Variants in RANBP2 observed in about 807,000 individuals in gnomAD.
RANBP2 encodes RAN binding protein 2.
RANBP2 carries 57 observed loss-of-function variants against 303.6 expected under a neutral mutation model. The ratio of observed to expected loss-of-function variants is 0.19; its 90% CI spans 0.15 to 0.23. RANBP2 has a LOEUF of 0.23. RANBP2 is among the 10% of genes least tolerant of loss of function. The probability of loss-of-function intolerance (pLI) is 1.00; values close to 1 mark genes in which losing one functional copy is unlikely to be tolerated. For missense variants in RANBP2, 3,138 were observed against 3,780.8 expected, an observed-to-expected ratio of 0.83 and a Z score of 4.46; for synonymous variants, 1,167 against 1,301.5, an observed-to-expected ratio of 0.90 and a Z score of 2.23.
the RANBP2 span, among the ~76,000 whole-genome samples, chr2:108,969,171 GGT>G: frequency 4.1e-4 from 62 of 152,126 alleles, no homozygotes; most frequent in African/African-American, 1.4e-3. Context: ...CTCTATGGCT[GGT>G]CTTGATCTCT....
chr2:109,182,602 A>G, the RANBP2 span, among the ~76,000 whole-genome samples: 2 of 152,242 alleles, frequency 1.3e-5, no homozygotes, highest in African/African-American at 4.8e-5. Flanking sequence ...GCAAGAATGA[A>G]TCGATGTTGC....
At chr2:108,995,500 G>A in the RANBP2 span, among the ~76,000 whole-genome samples, 1 of 152,286 alleles carries the variant, frequency 6.6e-6, no homozygotes, top group Non-Finnish European at 1.5e-5. Flanking sequence ...GTCAGCAAAA[G>A]AAAGCCAAAA....
chr2:109,513,248 C>T, the RANBP2 span, among the ~76,000 whole-genome samples: 1 of 152,162 alleles, frequency 6.6e-6, no homozygotes, highest in Non-Finnish European at 1.5e-5. Context: ...ACACACCACA[C>T]ACACCTCATG....
At chr2:109,475,829 G>A in the RANBP2 span, among the ~76,000 whole-genome samples, 12 of 152,192 alleles carry the variant, frequency 7.9e-5, no homozygotes, top group South Asian at 2.1e-4. Flanking sequence ...GCACTCTGGG[G>A]CCTGGCTGCC....
the RANBP2 span, among the ~76,000 whole-genome samples, chr2:109,633,922 C>A: frequency 2.6e-5 from 4 of 151,766 alleles, no homozygotes; most frequent in East Asian, 5.8e-4. Context: ...GAGTTCGAGA[C>A]TAGCCTGGCC....
At chr2:109,431,103 G>A in the RANBP2 span, among the ~76,000 whole-genome samples, 18 of 152,242 alleles carry the variant, frequency 1.2e-4, no homozygotes, top group East Asian at 9.7e-4. Flanking sequence ...TTGAGCCCTC[G>A]TGAGCTGCAT....
chr2:109,181,648 G>A, the RANBP2 span, among the ~76,000 whole-genome samples: 2 of 152,094 alleles, frequency 1.3e-5, no homozygotes, highest in South Asian at 2.1e-4. Flanking sequence ...GCCTGTTGCC[G>A]AACACACCAA....
chr2:109,705,178 G>GCGAT, the RANBP2 span, among the ~76,000 whole-genome samples: 2 of 152,026 alleles, frequency 1.3e-5, no homozygotes, highest in Admixed American at 1.3e-4. Flanking sequence ...GCTGAGGCGG[G>GCGAT]CGGATCCCCT....
the RANBP2 span, among the ~76,000 whole-genome samples, chr2:109,372,196 G>A: frequency 1.2e-4 from 18 of 152,228 alleles, no homozygotes; most frequent in African/African-American, 4.3e-4. Flanking sequence ...GGTGTTTTGA[G>A]GCTAATTCCA....
At chr2:109,142,391 C>CA in the RANBP2 span, among the ~76,000 whole-genome samples, 1 of 152,226 alleles carries the variant, frequency 6.6e-6, no homozygotes, top group African/African-American at 2.4e-5. Context: ...CCCAAAGCAC[C>CA]CTGTGGGGTT....
chr2:109,212,389 A>G, the RANBP2 span, among the ~76,000 whole-genome samples: 1 of 152,234 alleles, frequency 6.6e-6, no homozygotes, highest in Non-Finnish European at 1.5e-5. Context: ...GTGACTATAA[A>G]TCCCAACTTG....
the RANBP2 span, among the ~76,000 whole-genome samples, chr2:109,425,629 A>C: frequency 4.6e-5 from 7 of 152,324 alleles, no homozygotes; most frequent in East Asian, 1.2e-3. Context: ...CCACGCCTGC[A>C]TGATAGCACA....
chr2:108,901,191 G>T, the RANBP2 span, among the ~76,000 whole-genome samples: 1 of 152,064 alleles, frequency 6.6e-6, no homozygotes, highest in Non-Finnish European at 1.5e-5. Flanking sequence ...ATATATAACA[G>T]AAAAATCTTC....
chr2:109,297,707 T>C, the RANBP2 span, among the ~76,000 whole-genome samples: 2 of 144,556 alleles, frequency 1.4e-5, no homozygotes, highest in Non-Finnish European at 3.0e-5. Flanking sequence ...ATTCTGCCCA[T>C]GCCCCCCAAC....
the RANBP2 span, among the ~76,000 whole-genome samples, chr2:109,337,420 G>A: frequency 2.6e-5 from 4 of 152,186 alleles, no homozygotes; most frequent in Non-Finnish European, 4.4e-5. Context: ...TGTCCTTAGC[G>A]CCTTGCACTG....
the RANBP2 span, among the ~76,000 whole-genome samples, chr2:109,708,287 G>A: frequency 3.9e-5 from 6 of 152,236 alleles, no homozygotes; most frequent in Non-Finnish European, 8.8e-5. Flanking sequence ...TTGAGCCTGG[G>A]AGGTTGAGGC....
chr2:108,747,287 A>T (rs1696590374), intron 8 of RANBP2, among the ~76,000 whole-genome samples: 1 of 152,222 alleles, frequency 6.6e-6, no homozygotes, highest in African/African-American at 2.4e-5. Flanking sequence ...ATAAATCCTA[A>T]AGGTCTGTTG....
At chr2:109,515,766 C>A in the RANBP2 span, among the ~76,000 whole-genome samples, 3 of 152,148 alleles carry the variant, frequency 2.0e-5, no homozygotes, top group Non-Finnish European at 4.4e-5. Flanking sequence ...TCTGGTGAGG[C>A]CTCGGGAGGC....
the RANBP2 span, among the ~76,000 whole-genome samples, chr2:108,822,640 A>G: frequency 6.6e-6 from 1 of 152,352 alleles, no homozygotes; most frequent in East Asian, 1.9e-4. Context: ...CAAACCAAGG[A>G]AGGATAACTA....
Sources: gnomAD v4.1 joint callset for allele counts (sites outside exome capture counted in the v4.1 genomes callset) on GRCh38, gnomAD v4.1.1 for gene constraint, MANE v1.5 for transcripts, NCBI Gene and HGNC (gene_info 2026-07-23, HGNC 2026-07-21) for gene names.